The following EPHA10 variants were observed in gnomAD, a reference collection of about 807,000 sequenced individuals.
EPHA10 encodes ephrin type-A receptor 10.
EPHA10 carries 120 observed loss-of-function variants against 109.7 expected under a neutral mutation model. That is an observed-to-expected ratio of 1.09 (90% CI 0.94 to 1.27). EPHA10 has a LOEUF of 1.27. Ranked by LOEUF, EPHA10 falls within the 50% of genes most tolerant of loss-of-function variation. EPHA10 has a pLI of 0.00. For missense variants in EPHA10, 1,396 were observed against 1,411.1 expected (o/e 0.99, Z 0.17); for synonymous variants, 640 against 618.9 (o/e 1.03, Z -0.51).
chr1:37,735,636 G>A (rs6661338), intron 5 of EPHA10, among the ~76,000 whole-genome samples: 1,922 of 152,092 alleles, frequency 0.013, 36 homozygotes, highest in African/African-American at 0.044. Context: ...TCCCATAGAG[G>A]GAAAAGCATT....
chr1:37,730,513 T>C (rs916585521), intron 7 of EPHA10, among the ~76,000 whole-genome samples: 2 of 151,720 alleles, frequency 1.3e-5, no homozygotes, highest in African/African-American at 2.4e-5. Flanking sequence ...GGGCAGTGGG[T>C]GGGGAGAAGA....
At chr1:37,723,262 T>A (rs11577529) in intron 9 of EPHA10, 49 bp downstream of exon 9, 2 of 1,608,900 alleles carry the variant, frequency 1.2e-6, no homozygotes, top group South Asian at 1.1e-5. Context: ...GGCTGAGGAG[T>A]GAGGCAGGGT....
intron 5 of EPHA10, among the ~76,000 whole-genome samples, chr1:37,742,872 G>A (rs1009996931): frequency 6.6e-6 from 1 of 152,108 alleles, no homozygotes; most frequent in African/African-American, 2.4e-5. Flanking sequence ...TGGCATGCCT[G>A]CAGTCCTAGC....
chr1:37,761,430 G>A lies in EPHA10; in HGVS notation c.825C>T (p.Phe275=). The part of the protein sequence containing the change: ...PVGRCSCSAG[F]QERGDFCEAC... ...CTTCGCAGAAGTCACCACGCTCCTG[G>A]AATCCCGCGCTGCAGCTGCAGCGGC... The change falls in exon 3 of 17, where the codon TTC becomes TTT. Residue 275 remains phenylalanine (F), a synonymous_variant. Coordinates refer to ENST00000373048, the MANE Select transcript of EPHA10 (RefSeq NM_001099439.2). 1 of 1,599,392 alleles carries A rather than the reference G, an allele frequency of 6.3e-7. No individual in the cohort carries two copies. Among genetic ancestry groups the A allele is most frequent in the South Asian group, 1.1e-5 (1 of 91,052 alleles).
Position 37,752,860 on chromosome 1 carries a change from G to T in EPHA10, c.1357+16C>A. The T allele has an allele frequency of 8.0e-7, 1 of 1,257,578 alleles. No homozygotes were observed. Among genetic ancestry groups the T allele is most frequent in the East Asian group, 3.2e-5 (1 of 31,124 alleles). The allele number at this position is 1,257,578 out of a possible 1,614,324, so 77.9% of individuals were successfully genotyped here. Reference sequence around the variant, plus strand: ...AGGCGCGGTGGCCTCGGGGTGGGGGGCGCGGACGGCCTTACCCCCGGGCCC... The same window carrying T: ...AGGCGCGGTGGCCTCGGGGTGGGGGTCGCGGACGGCCTTACCCCCGGGCCC... On this transcript the variant is annotated intron_variant, in intron 5 of 16. Transcript: ENST00000373048.
rs896957700 is a variant in EPHA10 at position 37,733,035 on chromosome 1, G to A, written c.1492-1453C>T. On this transcript the variant is annotated intron_variant, in intron 6 of 16. Transcript: ENST00000373048. ...AGCCTCCTGAGTAGCTGGGATTACA[G>A]GCACCCACCACCATGTCTGGCTAAT... Among the ~76,000 whole-genome samples, 8 of 151,286 alleles carry A rather than the reference G, an allele frequency of 5.3e-5. No homozygotes were observed. In the South Asian group the frequency reaches 1.5e-3, roughly 28 times the overall value.
In EPHA10 at chr1:37,761,341, ACT is replaced by A. The variant is rs563772138; in HGVS notation, c.850+62_850+63del. On this transcript the variant is annotated intron_variant, in intron 3 of 16. Coordinates refer to ENST00000373048, the MANE Select transcript of EPHA10 (RefSeq NM_001099439.2). ...CACCCGCCTCTTTCCTCTAGGGCAC[ACT>A]CTCTCTCAATTGCCACCTACGCTCT... 121 of 1,525,122 alleles carry A rather than the reference ACT, an allele frequency of 7.9e-5. No individual in the cohort carries two copies. In the African/African-American group the frequency reaches 1.5e-3, roughly 19 times the overall value. The allele number at this position is 1,525,122 out of a possible 1,614,324, so 94.5% of individuals were successfully genotyped here.
Position 37,720,568 on chromosome 1 carries a change from A to C in EPHA10, c.2209-14T>G, listed in dbSNP as rs1385927642. On this transcript the variant is annotated splice_polypyrimidine_tract_variant and intron_variant, in intron 12 of 16. Transcript: ENST00000373048. ...CCCCTCGTGCCGCTGTGGAGGGAGA[A>C]GACTGAGGCCAGGGCTGTGCGCTTG... 1 of 1,605,024 alleles carries C rather than the reference A, an allele frequency of 6.2e-7. No homozygotes were observed. Among genetic ancestry groups the C allele is most frequent in the Non-Finnish European group, 8.5e-7 (1 of 1,175,902 alleles).
At chr1:37,749,954 G>A (rs768854771) in intron 5 of EPHA10, among the ~76,000 whole-genome samples, 61 of 152,240 alleles carry the variant, frequency 4.0e-4, no homozygotes, top group Non-Finnish European at 6.0e-4. Flanking sequence ...TTTCAGCTCC[G>A]TTATAATCTT....
Position 37,754,417 on chromosome 1 carries a change from C to T in EPHA10, c.851-47G>A, listed in dbSNP as rs772190353. 8.7e-6 allele frequency: 11 copies of T among 1,270,806 alleles called. No individual in the cohort carries two copies. The South Asian group carries it at 2.8e-4, about 32-fold the overall frequency. The allele number at this position is 1,270,806 out of a possible 1,614,324, so 78.7% of individuals were successfully genotyped here. ...AAGAGGGGGCTCCTCCAGTTTCTCC[C>T]CGCTTTCCTGACTGGCCTGGTTAGG... On this transcript the variant is annotated intron_variant, in intron 3 of 16. Coordinates refer to ENST00000373048, the MANE Select transcript of EPHA10 (RefSeq NM_001099439.2). The surrounding 1 kb of genome is among the most constrained non-coding windows in gnomAD (Gnocchi z 4.5).
rs1431013632 is a variant in EPHA10 at position 37,721,827 on chromosome 1, C to T, written c.1979G>A (p.Cys660Tyr). 1 of 1,602,654 alleles carries T rather than the reference C, an allele frequency of 6.2e-7. No homozygotes were observed. Among genetic ancestry groups the T allele is most frequent in the South Asian group, 1.1e-5 (1 of 89,956 alleles). ...ACCGGGGAGCTGCAAGCAGCCACAGCACAGCTCCCCAAACCGCCCTGTGGG... is the reference window on the plus strand; with the variant it reads ...ACCGGGGAGCTGCAAGCAGCCACAGTACAGCTCCCCAAACCGCCCTGTGGG... The part of the protein sequence containing the change: ...SLGGGRFGEL[C>Y]CGCLQLPGRQ... The change falls in exon 11 of 17, where the codon TGC (cysteine) becomes TAC (tyrosine). Residue 660 changes from cysteine (C) to tyrosine (Y), a missense_variant. Coordinates refer to ENST00000373048, the MANE Select transcript of EPHA10 (RefSeq NM_001099439.2).
chr1:37,725,650 T>C (rs1254468520), intron 8 of EPHA10, among the ~76,000 whole-genome samples: 2 of 152,036 alleles, frequency 1.3e-5, no homozygotes, highest in African/African-American at 2.4e-5. Context: ...TGGCAGCTAC[T>C]GAAGTCACCC....
Position 37,752,924 on chromosome 1 carries a change from C to T in EPHA10, c.1309G>A (p.Ala437Thr), listed in dbSNP as rs1329810040. 29 of 1,310,558 alleles carry T rather than the reference C, an allele frequency of 2.2e-5. No individual in the cohort carries two copies. The highest frequency in any genetic ancestry group is 2.7e-5 in the Non-Finnish European group (28 of 1,032,382). 81.2% of individuals were successfully genotyped at this position (1,310,558 alleles called of 1,614,324 possible). Residue 437 changes from alanine to threonine, a missense_variant, in exon 5 of 17, where the codon GCC (alanine) becomes ACC (threonine). By Grantham distance (58) the Ala-to-Thr change is moderately conservative. Transcript: ENST00000373048. ...ACCTGCGCGTAGGTGGTTCCCGCGGCGGCCGCCGGGCCCGAGACGCCGTTG... is the reference window on the plus strand; with the variant it reads ...ACCTGCGCGTAGGTGGTTCCCGCGGTGGCCGCCGGGCCCGAGACGCCGTTG... ...ALNGVSGPAA[A>T]AGTTYAQVTV...
chr1:37,719,899 G>A lies in EPHA10; in HGVS notation c.2562+10C>T, dbSNP rs201523562. On this transcript the variant is annotated intron_variant, in intron 14 of 16. Coordinates refer to ENST00000373048, the MANE Select transcript of EPHA10 (RefSeq NM_001099439.2). The stretch of plus-strand genomic sequence containing the variant: ...CAGAAGGCATGCAGCTGGAGCCACG[G>A]GTTACTCACGTCTTGGCCAGACATG... 2.0e-5 allele frequency: 33 copies of A among 1,613,932 alleles called. No individual in the cohort carries two copies. The East Asian group carries it at 5.3e-4, about 26-fold the overall frequency.
rs941085773 is a variant in EPHA10 at position 37,718,967 on chromosome 1, T to A, written c.2757-151A>T. 6.9e-6 allele frequency: 7 copies of A among 1,018,816 alleles called. No individual in the cohort carries two copies. In the Admixed American group the frequency reaches 8.7e-5, roughly 13 times the overall value. 63.1% of individuals were successfully genotyped at this position (1,018,816 alleles called of 1,614,324 possible). ...ATCTGGCTCACATGAGCACTGTGCATTCGTGAAGAAGCGAGGGCTTCAGGT... is the reference window on the plus strand; with the variant it reads ...ATCTGGCTCACATGAGCACTGTGCAATCGTGAAGAAGCGAGGGCTTCAGGT... On this transcript the variant is annotated intron_variant, in intron 15 of 16. Coordinates refer to ENST00000373048, the MANE Select transcript of EPHA10 (RefSeq NM_001099439.2).
Position 37,720,827 on chromosome 1 carries a change from C to A in EPHA10, c.2164G>T (p.Val722Phe). Reference sequence around the variant, plus strand: ...GCCCCATGGCTCATGTACTCGGTGACAATCATCAAGGTGCTTCCTGTGCCC... The same window carrying A: ...GCCCCATGGCTCATGTACTCGGTGAAAATCATCAAGGTGCTTCCTGTGCCC... ...VVTRGSTLMIVTEYMSHGALD... is the reference protein window; with the variant it reads ...VVTRGSTLMIFTEYMSHGALD... The change falls in exon 12 of 17, where the codon GTC becomes TTC. Residue 722 changes from valine to phenylalanine, a missense_variant. Coordinates refer to ENST00000373048, the MANE Select transcript of EPHA10 (RefSeq NM_001099439.2). 1 of 1,614,128 alleles carries A rather than the reference C, an allele frequency of 6.2e-7. No individual in the cohort carries two copies. Among genetic ancestry groups the A allele is most frequent in the Non-Finnish European group, 8.5e-7 (1 of 1,180,020 alleles).
chr1:37,761,510 C>T lies in EPHA10; in HGVS notation c.745G>A (p.Gly249Ser). Residue 249 changes from glycine to serine, a missense_variant, in exon 3 of 17, where the codon GGC (glycine) becomes AGC (serine). Gly to Ser is a moderately conservative substitution (Grantham distance 56). Coordinates refer to ENST00000373048, the MANE Select transcript of EPHA10 (RefSeq NM_001099439.2). ...CCGCAGTGCATGCGTGGGGGGCTGCCAGGCTCCCCTTCCGAGTGCGCCACG... is the reference window on the plus strand; with the variant it reads ...CCGCAGTGCATGCGTGGGGGGCTGCTAGGCTCCCCTTCCGAGTGCGCCACG... Reference protein sequence around the residue: ...TCVAHSEGEPGSPPRMHCGAD... With the variant: ...TCVAHSEGEPSSPPRMHCGAD... The T allele has an allele frequency of 6.3e-7, 1 of 1,599,586 alleles. No individual in the cohort carries two copies. Among genetic ancestry groups the T allele is most frequent in the Non-Finnish European group, 8.5e-7 (1 of 1,178,322 alleles).
At position 37,716,663 on chromosome 1, in the gene EPHA10, C is replaced by CACTG. The variant is rs1645695638; in HGVS notation, c.*1705_*1708dup. The CACTG allele has an allele frequency of 4.3e-6, 1 of 232,652 alleles. No homozygotes were observed. The allele number at this position is 232,652 out of a possible 1,614,324, so 14.4% of individuals were successfully genotyped here. On this transcript the variant is annotated 3_prime_UTR_variant, in exon 17 of 17. Coordinates refer to ENST00000373048, the MANE Select transcript of EPHA10 (RefSeq NM_001099439.2). ...CACCTCTGGGTGCTCTGCAAAGAGGCACTGCACCTTCCCGCCTCTGGGCTC... is the reference window on the plus strand; with the variant it reads ...CACCTCTGGGTGCTCTGCAAAGAGGCACTGACTGCACCTTCCCGCCTCTGGGCTC...
In EPHA10 at chr1:37,721,781, G is replaced by A. The variant is rs33970734; in HGVS notation, c.2025C>T (p.Ala675=). The change falls in exon 11 of 17, where the codon GCC becomes GCT. Residue 675 remains alanine, a synonymous_variant. Coordinates refer to ENST00000373048, the MANE Select transcript of EPHA10 (RefSeq NM_001099439.2). ...AGGCGCTGTCCCTCAGCATATGCAC[G>A]GCTACGAGCAGCTCCTGGCGACCGG... ...QLPGRQELLV[A]VHMLRDSASD... 0.082 allele frequency: 132,778 copies of A among 1,610,700 alleles called. 6,086 individuals carry two copies. Among genetic ancestry groups the A allele is most frequent in the Middle Eastern group, 0.1 (612 of 6,042 alleles).
Sources: gnomAD v4.1 joint callset for allele counts (sites outside exome capture counted in the v4.1 genomes callset) on GRCh38, gnomAD v4.1.1 for gene constraint, Gnocchi (gnomAD v3.1) non-coding constraint, MANE v1.5 for transcripts, NCBI Gene and HGNC (gene_info 2026-07-23, HGNC 2026-07-21) for gene names.